Variants in TANK observed in about 807,000 individuals in gnomAD.
The protein encoded by TANK is TRAF family member associated NFKB activator.
TANK carries 15 observed loss-of-function variants against 43.6 expected under a neutral mutation model. The ratio of observed to expected loss-of-function variants is 0.34; its 90% CI spans 0.23 to 0.53. The LOEUF (loss-of-function observed/expected upper bound fraction) is 0.53, where lower values mean the gene tolerates loss of function less well. Among genes scored for constraint, TANK ranks in the 20% least tolerant of loss-of-function variants. TANK has a pLI of 0.94. For missense variants in TANK, 417 were observed against 498.6 expected, an observed-to-expected ratio of 0.84 and a Z score of 1.56; for synonymous variants, 162 against 178.2, an observed-to-expected ratio of 0.91 and a Z score of 0.73.
At chr2:161,201,277 A>G (rs989260382) in intron 2 of TANK, 21 of 930,880 alleles carry the variant, frequency 2.3e-5, no homozygotes, top group Non-Finnish European at 2.7e-5. Context: ...GCTATTGAAT[A>G]CATTTTCAGG....
At chr2:161,144,519 T>G (rs1481558187) in intron 1 of TANK, among the ~76,000 whole-genome samples, 1 of 152,180 alleles carries the variant, frequency 6.6e-6, no homozygotes, top group African/African-American at 2.4e-5. Flanking sequence ...TTCATTAGTT[T>G]CAAAGAACTT....
chr2:161,161,273 C>G, intron 1 of TANK: 1 of 1,550,310 alleles, frequency 6.5e-7, no homozygotes, highest in Non-Finnish European at 8.7e-7. Flanking sequence ...TGGTGTTTAT[C>G]TCACCTCACA....
At chr2:161,187,289 G>T (rs962268586) in intron 2 of TANK, among the ~76,000 whole-genome samples, 1 of 152,064 alleles carries the variant, frequency 6.6e-6, no homozygotes, top group African/African-American at 2.4e-5. Context: ...AAAAACACCA[G>T]GTATGGTGGT....
At chr2:161,227,828 T>C (rs1191589974) in intron 6 of TANK, among the ~76,000 whole-genome samples, 1 of 152,216 alleles carries the variant, frequency 6.6e-6, no homozygotes, top group Non-Finnish European at 1.5e-5. Flanking sequence ...TCCTAGACTT[T>C]CCTACCACTT....
chr2:161,212,976 G>A (rs1686958309), intron 4 of TANK, among the ~76,000 whole-genome samples: 1 of 152,228 alleles, frequency 6.6e-6, no homozygotes, highest in African/African-American at 2.4e-5. Context: ...TCCACTCATG[G>A]CCGAAGGCAA....
chr2:161,226,311 T>C (rs1236121612), intron 6 of TANK, among the ~76,000 whole-genome samples: 1 of 152,176 alleles, frequency 6.6e-6, no homozygotes, highest in Non-Finnish European at 1.5e-5. Flanking sequence ...CTTATTTTTA[T>C]GCTTTATATT....
chr2:161,173,236 AT>A (rs1372028042), intron 1 of TANK, among the ~76,000 whole-genome samples: 1 of 152,142 alleles, frequency 6.6e-6, no homozygotes, highest in Non-Finnish European at 1.5e-5. Flanking sequence ...ACCATAGCTT[AT>A]CATGGCACCC....
rs944324902 is a variant in TANK, at chr2:161,166,998, C to T, written c.-50+6512C>T. 2.6e-5 allele frequency among the ~76,000 whole-genome samples: 4 copies of T among 152,144 alleles called. No homozygotes were observed. In the South Asian group the frequency reaches 6.2e-4, roughly 24 times the overall value. The stretch of plus-strand genomic sequence containing the variant: ...GCAGTTATTCAAGGTGGTTTCCTTT[C>T]CCCATCCTGAAACTGCTTTAGATTT... On this transcript the variant is annotated intron_variant, in intron 1 of 7. Transcript: ENST00000392749.
chr2:161,189,704 C>G (rs778965136), intron 2 of TANK, among the ~76,000 whole-genome samples: 1 of 152,062 alleles, frequency 6.6e-6, no homozygotes, highest in Admixed American at 6.5e-5. Flanking sequence ...AGTAAAGTTA[C>G]AAAATCAGCA....
At chr2:161,226,748 AATGT>A (rs2105393122) in intron 6 of TANK, among the ~76,000 whole-genome samples, 1 of 140,668 alleles carries the variant, frequency 7.1e-6, no homozygotes, top group African/African-American at 2.5e-5. Context: ...ATAAAGATAA[AATGT>A]ATGTTTATCC....
chr2:161,190,123 TCAA>T (rs113726646), intron 2 of TANK, among the ~76,000 whole-genome samples: 1 of 152,108 alleles, frequency 6.6e-6, no homozygotes, highest in Admixed American at 6.6e-5. Flanking sequence ...GAACTACAGC[TCAA>T]CAACAACAAA....
chr2:161,149,386 G>C (rs1177704134), intron 1 of TANK, among the ~76,000 whole-genome samples: 5 of 152,128 alleles, frequency 3.3e-5, no homozygotes, highest in Admixed American at 3.3e-4. Flanking sequence ...GCTTTCTTGT[G>C]AATACTTTGG....
rs2105245170 is a variant in TANK, at chr2:161,160,505, G to A, written c.-50+19G>A. 7.9e-7 allele frequency: 1 copy of A among 1,260,408 alleles called. No individual in the cohort carries two copies. Among genetic ancestry groups the A allele is most frequent in the East Asian group, 3.0e-5 (1 of 32,972 alleles). 78.1% of individuals were successfully genotyped at this position (1,260,408 alleles called of 1,614,324 possible). A position where few individuals can be genotyped will look rare whatever the true frequency, so the allele number is the denominator to read the frequency against. On this transcript the variant is annotated intron_variant, in intron 1 of 7. Transcript: ENST00000392749. ...GAACTGTGTGAGTAAGAAACTTTGT[G>A]AATTGGTGTGTCCGAATCCGTCAAG...
At chr2:161,190,485 C>G (rs1259791561) in intron 2 of TANK, among the ~76,000 whole-genome samples, 1 of 152,150 alleles carries the variant, frequency 6.6e-6, no homozygotes, top group Non-Finnish European at 1.5e-5. Flanking sequence ...AGCAAGGACT[C>G]AATTGGATAT....
chr2:161,189,099 A>C (rs796322468), intron 2 of TANK, among the ~76,000 whole-genome samples: 20 of 152,356 alleles, frequency 1.3e-4, no homozygotes, highest in African/African-American at 4.6e-4. Flanking sequence ...ATAGCAGCAC[A>C]AAACAGACTA....
intron 1 of TANK, among the ~76,000 whole-genome samples, chr2:161,175,865 A>G (rs1337539247): frequency 6.6e-6 from 1 of 152,158 alleles, no homozygotes; most frequent in Non-Finnish European, 1.5e-5. Flanking sequence ...AGATGAGAGT[A>G]TCCAGGCTCC....
At chr2:161,182,456 G>A (rs914362710) in intron 2 of TANK, among the ~76,000 whole-genome samples, 2 of 152,026 alleles carry the variant, frequency 1.3e-5, no homozygotes, top group Non-Finnish European at 2.9e-5. Flanking sequence ...CAGAACTCAG[G>A]GGAACCAATA....
At chr2:161,190,942 A>C (rs1264237464) in intron 2 of TANK, among the ~76,000 whole-genome samples, 1 of 151,718 alleles carries the variant, frequency 6.6e-6, no homozygotes, top group Non-Finnish European at 1.5e-5. Context: ...ATTTTTAAAA[A>C]CTCTATTACA....
Position 161,201,232 on chromosome 2 carries a change from A to G in TANK, c.100-2255A>G, listed in dbSNP as rs923138039. ...AGCTTAAGAAGTAGTTAAAACTTCA[A>G]TTTGAAATAGCCATTGATCCATTAA... is the stretch of plus-strand genomic sequence containing the variant. On this transcript the variant is annotated intron_variant, in intron 2 of 7. Transcript: ENST00000392749. The G allele has an allele frequency of 7.2e-6, 7 of 974,960 alleles. No homozygotes were observed. The African/African-American group carries it at 8.8e-5, about 12-fold the overall frequency. 60.4% of individuals were successfully genotyped at this position (974,960 alleles called of 1,614,324 possible).
Sources: allele counts gnomAD v4.1 joint callset (sites outside exome capture counted in the v4.1 genomes callset), GRCh38; gene constraint gnomAD v4.1.1; transcripts MANE v1.5; gene names NCBI Gene and HGNC (gene_info 2026-07-23, HGNC 2026-07-21).